Variants in ZNF276 observed in about 807,000 individuals in gnomAD.
The protein encoded by ZNF276 is zinc finger protein 276.
Under a neutral mutation model 63.9 loss-of-function variants are expected in ZNF276, and 59 were observed. That is an observed-to-expected ratio of 0.92 (90% CI 0.75 to 1.15). ZNF276 has a LOEUF of 1.15. Among genes scored for constraint, ZNF276 ranks in the 50% most tolerant of loss-of-function variants. The probability of loss-of-function intolerance (pLI) is 0.00; values close to 1 mark genes in which losing one functional copy is unlikely to be tolerated. For synonymous variants in ZNF276, 496 were observed against 348.4 expected (o/e 1.42, Z -4.72); for missense variants, 1,084 against 843.8 (o/e 1.28, Z -3.53).
intron 6 of ZNF276, among the ~76,000 whole-genome samples, chr16:89,731,284 T>C (rs548714922): frequency 6.6e-6 from 1 of 152,350 alleles, no homozygotes; most frequent in East Asian, 1.9e-4. Flanking sequence ...GATGGAGTCT[T>C]GCTCTGTTGC....
rs559656118 is a variant in ZNF276 at position 89,739,776 on chromosome 16, A to T, written c.*1530A>T. On this transcript the variant is annotated 3_prime_UTR_variant, in exon 11 of 11. Transcript: ENST00000443381. ...GGGTGGGTGTGGTGCAGAGAGAGGC[A>T]GTCCCCATGATAGGCCCATTGGTCC... The T allele has an allele frequency of 1.4e-5, 20 of 1,473,314 alleles. No individual in the cohort carries two copies. In the East Asian group the frequency reaches 2.5e-4, roughly 18 times the overall value. The allele number at this position is 1,473,314 out of a possible 1,614,324, so 91.3% of individuals were successfully genotyped here.
In ZNF276 at chr16:89,740,264, G is replaced by A. The variant is rs2062095865; in HGVS notation, c.*2018G>A. The A allele has an allele frequency of 1.5e-6, 1 of 682,448 alleles. No individual in the cohort carries two copies. The highest frequency in any genetic ancestry group is 2.7e-5 in the East Asian group (1 of 37,456). 42.3% of individuals were successfully genotyped at this position (682,448 alleles called of 1,614,324 possible). On this transcript the variant is annotated 3_prime_UTR_variant, in exon 11 of 11. Coordinates refer to ENST00000443381, the MANE Select transcript of ZNF276 (RefSeq NM_001113525.2). ...GAAGGTAATACTGGGCCTCTGGACA[G>A]AAGAGGCTCAGGTAGGAGGCCAGGG...
In ZNF276 at chr16:89,738,575, G is replaced by A. The variant is rs1213542472; in HGVS notation, c.*329G>A. 1.9e-6 allele frequency: 3 copies of A among 1,613,028 alleles called. No homozygotes were observed. Among genetic ancestry groups the A allele is most frequent in the Non-Finnish European group, 2.5e-6 (3 of 1,179,996 alleles). On this transcript the variant is annotated 3_prime_UTR_variant, in exon 11 of 11. Transcript: ENST00000443381. Reference sequence around the variant, plus strand: ...GTAATAAATTATTTACACGGGAGCTGGGCTGGTGTGCAGTGGCAGGTCCCG... The same window carrying A: ...GTAATAAATTATTTACACGGGAGCTAGGCTGGTGTGCAGTGGCAGGTCCCG...
chr16:89,733,086 G>A, intron 6 of ZNF276: 1 of 577,668 alleles, frequency 1.7e-6, no homozygotes, highest in African/African-American at 1.9e-5. Flanking sequence ...TGACCCTGCT[G>A]TGTCCTGCGC....
At chr16:89,728,698 G>A (rs528909382) in intron 5 of ZNF276, among the ~76,000 whole-genome samples, 41 of 152,098 alleles carry the variant, frequency 2.7e-4, no homozygotes, top group Admixed American at 7.9e-4. Flanking sequence ...CACCGCACCC[G>A]GCCAATTTTT....
In ZNF276 at chr16:89,739,543, C is replaced by G. The variant is rs941282193; in HGVS notation, c.*1297C>G. 2.6e-6 allele frequency: 4 copies of G among 1,551,298 alleles called. No individual in the cohort carries two copies. The highest frequency in any genetic ancestry group is 1.4e-5 in the African/African-American group (1 of 73,184). Reference sequence around the variant, plus strand: ...GGGCCACACGGAGGAGGAGCCGCCCCAGCCTGAGGTCTGCAACACCAAGAA... The same window carrying G: ...GGGCCACACGGAGGAGGAGCCGCCCGAGCCTGAGGTCTGCAACACCAAGAA... On this transcript the variant is annotated 3_prime_UTR_variant, in exon 11 of 11. Coordinates refer to ENST00000443381, the MANE Select transcript of ZNF276 (RefSeq NM_001113525.2).
Position 89,723,697 on chromosome 16 carries a change from T to G in ZNF276, c.994T>G (p.Cys332Gly). Residue 332 changes from cysteine to glycine, a missense_variant, in exon 4 of 11, where the codon TGC becomes GGC. Physicochemically the swap from Cys to Gly is radical, Grantham distance 159 (BLOSUM62 -3). Coordinates refer to ENST00000443381, the MANE Select transcript of ZNF276 (RefSeq NM_001113525.2). Reference protein sequence around the residue: ...GFPPQPSLPLCRAPGQLGEKQ... With the variant: ...GFPPQPSLPLGRAPGQLGEKQ... ...CCCACCTCAGCCAAGCCTGCCCCTT[T>G]GCAGGGCCCCAGGTAGGAGGCACCT... 1 of 1,609,752 alleles carries G rather than the reference T, an allele frequency of 6.2e-7. No homozygotes were observed. Among genetic ancestry groups the G allele is most frequent in the Non-Finnish European group, 8.5e-7 (1 of 1,178,082 alleles).
chr16:89,735,728 T>C (rs924208509), intron 9 of ZNF276, among the ~76,000 whole-genome samples: 1 of 152,098 alleles, frequency 6.6e-6, no homozygotes, highest in African/African-American at 2.4e-5. Flanking sequence ...TTTTAATTTA[T>C]TGATGGAAAC....
intron 9 of ZNF276, among the ~76,000 whole-genome samples, chr16:89,734,539 G>A (rs1313966599): frequency 2.0e-5 from 3 of 152,066 alleles, no homozygotes; most frequent in Non-Finnish European, 4.4e-5. Flanking sequence ...GTTGGCCAGG[G>A]TGATCTCTAA....
At position 89,739,462 on chromosome 16, in the gene ZNF276, C is replaced by G. The variant is rs2062067015; in HGVS notation, c.*1216C>G. On this transcript the variant is annotated 3_prime_UTR_variant, in exon 11 of 11. Coordinates refer to ENST00000443381, the MANE Select transcript of ZNF276 (RefSeq NM_001113525.2). ...AAACACTGCCCAGCCCTGACCAGCCCTGTGGGTGGAGGTACCTGTAAAAAG... is the reference window on the plus strand; with the variant it reads ...AAACACTGCCCAGCCCTGACCAGCCGTGTGGGTGGAGGTACCTGTAAAAAG... 1 of 1,551,838 alleles carries G rather than the reference C, an allele frequency of 6.4e-7. No individual in the cohort carries two copies. The highest frequency in any genetic ancestry group is 1.4e-5 in the African/African-American group (1 of 73,104).
intron 4 of ZNF276, among the ~76,000 whole-genome samples, chr16:89,726,382 A>G (rs981097993): frequency 6.6e-6 from 1 of 151,982 alleles, no homozygotes; most frequent in Non-Finnish European, 1.5e-5. Flanking sequence ...TTTTTAGTAG[A>G]AATGGGGTTT....
At position 89,739,099 on chromosome 16, in the gene ZNF276, C is replaced by G. The variant is rs1463674297; in HGVS notation, c.*853C>G. ...AGAAGGAGCCTCCGGCTGGGGGGAG[C>G]TCCCCTGGAGGTGGGACTGGCCCTT... On this transcript the variant is annotated 3_prime_UTR_variant, in exon 11 of 11. Coordinates refer to ENST00000443381, the MANE Select transcript of ZNF276 (RefSeq NM_001113525.2). The G allele has an allele frequency of 6.2e-7, 1 of 1,613,746 alleles. No individual in the cohort carries two copies. Among genetic ancestry groups the G allele is most frequent in the Admixed American group, 1.7e-5 (1 of 60,012 alleles).
chr16:89,721,492 C>A (rs1001898814), upstream of ZNF276: 8 of 768,366 alleles, frequency 1.0e-5, no homozygotes, highest in South Asian at 2.2e-5. Context: ...TGGCCCCTGG[C>A]CCGCCCCGCC....
chr16:89,726,182 A>C (rs1370838600), intron 4 of ZNF276, among the ~76,000 whole-genome samples: 2 of 146,046 alleles, frequency 1.4e-5, no homozygotes, highest in Non-Finnish European at 3.0e-5. Context: ...CACCCTGCTA[A>C]TTTTTTTGTA....
At chr16:89,735,778 G>T (rs551560719) in intron 9 of ZNF276, among the ~76,000 whole-genome samples, 2 of 151,988 alleles carry the variant, frequency 1.3e-5, no homozygotes, top group South Asian at 4.1e-4. Flanking sequence ...GCAGTGGCGC[G>T]ATCTTGGCTC....
At position 89,740,205 on chromosome 16, in the gene ZNF276, G is replaced by C. The variant is rs923989282; in HGVS notation, c.*1959G>C. The C allele has an allele frequency of 3.2e-6, 3 of 941,478 alleles. No individual in the cohort carries two copies. The highest frequency in any genetic ancestry group is 2.4e-5 in the East Asian group (1 of 41,802). 58.3% of individuals were successfully genotyped at this position (941,478 alleles called of 1,614,324 possible). On this transcript the variant is annotated 3_prime_UTR_variant, in exon 11 of 11. Transcript: ENST00000443381. ...AGAGGGCATTTCCTCTTTGCTTATT[G>C]TAAGTCTTAAAACTGGTGACAGTTT... is the stretch of plus-strand genomic sequence containing the variant.
At chr16:89,730,586 C>G (rs2061613466) in intron 6 of ZNF276, among the ~76,000 whole-genome samples, 1 of 152,162 alleles carries the variant, frequency 6.6e-6, no homozygotes, top group Non-Finnish European at 1.5e-5. Flanking sequence ...GGAGTGCAGA[C>G]AAAGACGTGC....
At chr16:89,731,595 C>T (rs2061653510) in intron 6 of ZNF276, 1 of 152,248 alleles carries the variant, frequency 6.6e-6, no homozygotes, top group Non-Finnish European at 1.5e-5. Context: ...GACAGGGTCT[C>T]ATGTTGTTGC....
upstream of ZNF276, chr16:89,721,494 C>CCT (rs1396024306): frequency 8.6e-6 from 7 of 810,622 alleles, no homozygotes; most frequent in South Asian, 2.2e-5. Flanking sequence ...GCCCCTGGCC[C>CCT]GCCCCGCCCG....
Sources: allele counts gnomAD v4.1 joint callset (sites outside exome capture counted in the v4.1 genomes callset), GRCh38; gene constraint gnomAD v4.1.1; transcripts MANE v1.5; gene names NCBI Gene and HGNC (gene_info 2026-07-23, HGNC 2026-07-21).